The following ZBTB16 variants were observed in gnomAD, a reference collection of about 807,000 sequenced individuals.
ZBTB16 encodes the protein zinc finger and BTB domain containing 16.
In ZBTB16, 8 loss-of-function variants were observed where a neutral mutation model predicts 56.8. The ratio of observed to expected loss-of-function variants is 0.14; its 90% CI spans 0.08 to 0.25. ZBTB16 has a LOEUF of 0.25. ZBTB16 is among the 10% of genes least tolerant of loss of function. The pLI is 1.00. For missense variants in ZBTB16, 625 were observed against 903.0 expected (o/e 0.69, Z 3.95); for synonymous variants, 363 against 368.5 (o/e 0.98, Z 0.17).
intron 4 of ZBTB16, among the ~76,000 whole-genome samples, chr11:114,236,942 T>G (rs1041390108): frequency 1.3e-5 from 2 of 152,186 alleles, no homozygotes; most frequent in Non-Finnish European, 2.9e-5. Flanking sequence ...GAATCCTAAG[T>G]GGTGTAACTC....
chr11:114,095,704 C>T (rs920368065), intron 2 of ZBTB16, among the ~76,000 whole-genome samples: 3 of 152,166 alleles, frequency 2.0e-5, no homozygotes, highest in Admixed American at 6.5e-5. Flanking sequence ...TAAACAACTG[C>T]GAGGCTCAGG....
chr11:114,171,225 G>A (rs1416213882), intron 3 of ZBTB16, among the ~76,000 whole-genome samples: 3 of 152,244 alleles, frequency 2.0e-5, no homozygotes, highest in Non-Finnish European at 2.9e-5. Context: ...TGTCTCTAAT[G>A]AGGTCCTGTC....
intron 4 of ZBTB16, among the ~76,000 whole-genome samples, chr11:114,202,072 G>A (rs1226277912): frequency 6.6e-6 from 1 of 152,224 alleles, no homozygotes; most frequent in Non-Finnish European, 1.5e-5. Context: ...ATAAATGCCA[G>A]ATGGAGAATG....
chr11:114,087,506 A>G (rs1159817995), intron 2 of ZBTB16, among the ~76,000 whole-genome samples: 6 of 152,024 alleles, frequency 3.9e-5, no homozygotes, highest in African/African-American at 1.4e-4. Context: ...CAGGCACCCA[A>G]CTGCAGACTT....
intron 2 of ZBTB16, among the ~76,000 whole-genome samples, chr11:114,155,581 A>G (rs1942390460): frequency 6.6e-6 from 1 of 152,192 alleles, no homozygotes; most frequent in African/African-American, 2.4e-5. Context: ...ACAGAATCAC[A>G]GTAATGGCAA....
chr11:114,237,069 C>T (rs1208397379), intron 4 of ZBTB16: 2 of 152,326 alleles, frequency 1.3e-5, no homozygotes, highest in African/African-American at 4.8e-5. Flanking sequence ...AGGTCGTTCA[C>T]TGCACAAGGG....
At chr11:114,146,699 A>T (rs1565650568) in intron 2 of ZBTB16, among the ~76,000 whole-genome samples, 1 of 151,958 alleles carries the variant, frequency 6.6e-6, no homozygotes, top group South Asian at 2.1e-4. Context: ...TTAAAAAAAA[A>T]TCAGCTGGGC....
intron 2 of ZBTB16, among the ~76,000 whole-genome samples, chr11:114,105,291 A>G (rs1323521367): frequency 1.3e-5 from 2 of 150,616 alleles, no homozygotes; most frequent in Admixed American, 6.6e-5. Flanking sequence ...CCCAGGCTGG[A>G]ATGCGCTGGC....
At chr11:114,240,162 G>A (rs950398375) in intron 4 of ZBTB16, among the ~76,000 whole-genome samples, 5 of 152,084 alleles carry the variant, frequency 3.3e-5, no homozygotes, top group African/African-American at 1.2e-4. Flanking sequence ...GGCTCCAGGT[G>A]CTTAGACTTC....
intron 4 of ZBTB16, chr11:114,187,336 T>C (rs1438704992): frequency 4.2e-6 from 2 of 473,606 alleles, no homozygotes; most frequent in East Asian, 3.8e-5. Context: ...TATGCTCTTG[T>C]TGAGGCCTTA....
Position 114,064,256 on chromosome 11 carries a change from G to T in ZBTB16, c.956G>T (p.Arg319Leu), listed in dbSNP as rs772815592. Residue 319 changes from arginine (R) to leucine (L), a missense_variant, in exon 2 of 7, where the codon CGA becomes CTA. Transcript: ENST00000335953. The surrounding 1 kb of genome is among the most constrained non-coding windows in gnomAD (Gnocchi z 4.2). The part of the protein sequence containing the change: ...PAEAGQAPTG[R>L]PEHPAPPPEK... ...GAGGCTGGCCAGGCCCCCACTGGCC[G>T]ACCTGAGCACCCAGCACCCCCGCCT... 3.7e-6 allele frequency: 6 copies of T among 1,613,984 alleles called. No homozygotes were observed. The highest frequency in any genetic ancestry group is 4.2e-6 in the Non-Finnish European group (5 of 1,180,010).
intron 4 of ZBTB16, among the ~76,000 whole-genome samples, chr11:114,196,027 A>C (rs1943599822): frequency 6.6e-6 from 1 of 152,162 alleles, no homozygotes; most frequent in Non-Finnish European, 1.5e-5. Flanking sequence ...GAAGCTCCAC[A>C]CTTTGAGCAA....
chr11:114,069,341 T>A (rs1939244469), intron 2 of ZBTB16, among the ~76,000 whole-genome samples: 1 of 152,210 alleles, frequency 6.6e-6, no homozygotes, highest in African/African-American at 2.4e-5. Flanking sequence ...TGCCTCGGCC[T>A]CCCAAAGTGC....
At position 114,143,953 on chromosome 11, in the gene ZBTB16, T is replaced by C. The variant is rs546370415; in HGVS notation, c.1269-12384T>C. 3.1e-4 allele frequency among the ~76,000 whole-genome samples: 47 copies of C among 152,314 alleles called. No homozygotes were observed. The highest frequency in any genetic ancestry group is 1.3e-3 in the Admixed American group (20 of 15,300). On this transcript the variant is annotated intron_variant, in intron 2 of 6. Transcript: ENST00000335953. The surrounding 1 kb of genome is among the most constrained non-coding windows in gnomAD (Gnocchi z 6.4). ...TCACTGGTATTATGCATTTCCTGTG[T>C]GCTCGGGAGCCTTGCGTGTAAGGAG...
chr11:114,123,377 G>A (rs760355141), intron 2 of ZBTB16, among the ~76,000 whole-genome samples: 11 of 152,146 alleles, frequency 7.2e-5, no homozygotes, highest in Non-Finnish European at 1.5e-4. Flanking sequence ...ACAATGTCCT[G>A]TGCCAGATTA....
rs575001782 is a variant in ZBTB16 at position 114,252,863 on chromosome 11, G to T, written c.*2308G>T. Among the ~76,000 whole-genome samples the T allele has an allele frequency of 6.6e-6, 1 of 152,140 alleles. No individual in the cohort carries two copies. The highest frequency in any genetic ancestry group is 6.5e-5 in the Admixed American group (1 of 15,282). On this transcript the variant is annotated 3_prime_UTR_variant, in exon 7 of 7. Transcript: ENST00000335953. ...TGAAGGCCTTAAAATTGTGTGTTGGGAGGATGTGAATTGGGAGGACGGTGT... is the reference window on the plus strand; with the variant it reads ...TGAAGGCCTTAAAATTGTGTGTTGGTAGGATGTGAATTGGGAGGACGGTGT...
intron 4 of ZBTB16, among the ~76,000 whole-genome samples, chr11:114,223,448 G>A (rs1944276659): frequency 6.6e-6 from 1 of 152,192 alleles, no homozygotes; most frequent in African/African-American, 2.4e-5. Context: ...GTTGAAGTTG[G>A]TCAGAGTCAG....
At chr11:114,150,976 A>C (rs899305997) in intron 2 of ZBTB16, among the ~76,000 whole-genome samples, 1 of 152,188 alleles carries the variant, frequency 6.6e-6, no homozygotes, top group African/African-American at 2.4e-5. Context: ...GGGTAAGTAG[A>C]TGATCTTGGA....
intron 1 of ZBTB16, among the ~76,000 whole-genome samples, chr11:114,061,779 CCCTTCGTACTGGTTGTAACTCACA>C: frequency 6.6e-6 from 1 of 152,170 alleles, no homozygotes; most frequent in South Asian, 2.1e-4. Context: ...GCCCTGTCTT[CCCTTCGTACTGGTTGTAACTCACA>C]CCACAGGTGC....
Sources: gnomAD v4.1 joint callset for allele counts (sites outside exome capture counted in the v4.1 genomes callset) on GRCh38, gnomAD v4.1.1 for gene constraint, Gnocchi (gnomAD v3.1) non-coding constraint, MANE v1.5 for transcripts, NCBI Gene and HGNC (gene_info 2026-07-23, HGNC 2026-07-21) for gene names.